Variants in PPP2R2C observed in about 807,000 individuals in gnomAD.
PPP2R2C encodes the protein protein phosphatase 2 regulatory subunit Bgamma, also known as protein phosphatase 2, regulatory subunit B, gamma.
A neutral mutation model predicts 45.3 loss-of-function variants in PPP2R2C; 10 were observed. That is an observed-to-expected ratio of 0.22 (90% CI 0.14 to 0.37). The LOEUF is 0.37. Among genes scored for constraint, PPP2R2C ranks in the 10% least tolerant of loss-of-function variants. The pLI is 1.00. For missense variants in PPP2R2C, 308 were observed against 619.7 expected (o/e 0.50, Z 5.34); for synonymous variants, 257 against 245.4 (o/e 1.05, Z -0.44).
In PPP2R2C at chr4:6,381,904, A is replaced by C. The variant is rs368530613; in HGVS notation, c.71-810T>G. ...GGGGAACACCCCTTCCATCACCAAC[A>C]TTCTCAGGTTCTACGAGTCACAGAG... On this transcript the variant is annotated intron_variant, in intron 1 of 8. Coordinates refer to ENST00000382599, the MANE Select transcript of PPP2R2C (RefSeq NM_020416.4). 61 of 1,593,500 alleles carry C rather than the reference A, an allele frequency of 3.8e-5. No individual in the cohort carries two copies. The Middle Eastern group carries it at 1.2e-3, about 31-fold the overall frequency.
At position 6,380,962 on chromosome 4, in the gene PPP2R2C, CCCTCCCA is replaced by C. The variant is rs1560499363; in HGVS notation, c.168+28_168+34del. 6 of 1,476,468 alleles carry C rather than the reference CCCTCCCA, an allele frequency of 4.1e-6. No individual in the cohort carries two copies. The South Asian group carries it at 8.4e-5, about 21-fold the overall frequency. 91.5% of individuals were successfully genotyped at this position (1,476,468 alleles called of 1,614,324 possible). ...CCTCCCACCTGACTCTGCTCCCCAC[CCCTCCCA>C]CCTCCCACCAGACCCAGGGCTTCGC... is the stretch of plus-strand genomic sequence containing the variant. On this transcript the variant is annotated intron_variant, in intron 2 of 8. Transcript: ENST00000382599.
intron 1 of PPP2R2C, among the ~76,000 whole-genome samples, chr4:6,561,226 T>C (rs890443947): frequency 6.6e-6 from 1 of 152,162 alleles, no homozygotes; most frequent in African/African-American, 2.4e-5. Context: ...GACACTCAAC[T>C]TCCCTGTCCC....
At chr4:6,511,176 C>T (rs1723439141) in intron 2 of PPP2R2C, among the ~76,000 whole-genome samples, 1 of 152,134 alleles carries the variant, frequency 6.6e-6, no homozygotes, top group African/African-American at 2.4e-5. Flanking sequence ...ATGAGAAAAA[C>T]ACGCAAAATG....
intron 2 of PPP2R2C, among the ~76,000 whole-genome samples, chr4:6,511,001 A>C (rs1249587256): frequency 4.6e-5 from 7 of 150,650 alleles, no homozygotes; most frequent in South Asian, 2.1e-4. Context: ...AAACAAACAA[A>C]AAAAAAAACA....
At position 6,347,751 on chromosome 4, in the gene PPP2R2C, AC is replaced by A. The variant is rs1712130585; in HGVS notation, c.790+94del. The A allele has an allele frequency of 2.1e-6, 3 of 1,428,444 alleles. No homozygotes were observed. In the Admixed American group the frequency reaches 6.2e-5, roughly 30 times the overall value. The allele number at this position is 1,428,444 out of a possible 1,614,324, so 88.5% of individuals were successfully genotyped here. Reference sequence around the variant, plus strand: ...CCAGTCCAGGACATGCTCATCCCACACCCACCACCCCTGCAGCAGCTGCACC... The same window carrying A: ...CCAGTCCAGGACATGCTCATCCCACACCACCACCCCTGCAGCAGCTGCACC... On this transcript the variant is annotated intron_variant, in intron 6 of 8. Transcript: ENST00000382599.
At chr4:6,383,940 A>T in intron 1 of PPP2R2C, 1 of 986,064 alleles carries the variant, frequency 1.0e-6, no homozygotes, top group Non-Finnish European at 1.2e-6. Context: ...AACAGAAAAG[A>T]TTGAGAGAGG....
At chr4:6,452,121 G>T (rs1720769160) in intron 1 of PPP2R2C, among the ~76,000 whole-genome samples, 1 of 152,088 alleles carries the variant, frequency 6.6e-6, no homozygotes, top group Admixed American at 6.5e-5. Context: ...CTGGGAGTGG[G>T]GTCCCAGCCC....
At chr4:6,562,476 G>GC (rs1725612389) in intron 1 of PPP2R2C, among the ~76,000 whole-genome samples, 2 of 151,884 alleles carry the variant, frequency 1.3e-5, no homozygotes, top group South Asian at 4.2e-4. Context: ...GTCGGGGGGG[G>GC]GGGTTGGATA....
At chr4:6,380,808 G>C (rs975600071) in intron 2 of PPP2R2C, among the ~76,000 whole-genome samples, 189 bp downstream of exon 2, 1 of 152,044 alleles carries the variant, frequency 6.6e-6, no homozygotes, top group Non-Finnish European at 1.5e-5. Context: ...TGGGAGATGT[G>C]ATCCAGGCAA....
intron 5 of PPP2R2C, among the ~76,000 whole-genome samples, chr4:6,359,039 T>C (rs62568103): frequency 0.85 from 129,325 of 152,224 alleles, 58,003 homozygotes; most frequent in East Asian, 1. Context: ...TAAAGACACA[T>C]GCACATGTAT....
rs181244724 is a variant in PPP2R2C, at chr4:6,368,999, C to G, written c.625+3524G>C. Among the ~76,000 whole-genome samples the G allele has an allele frequency of 1.9e-3, 287 of 152,256 alleles. 3 individuals are homozygous for G. The highest frequency in any genetic ancestry group is 5.1e-3 in the Admixed American group (78 of 15,300). ...GACGGGGAGACAGGATTCAATCCTT[C>G]TGATGAATGAAGGGGGATGTCTCTG... On this transcript the variant is annotated intron_variant, in intron 5 of 8. Transcript: ENST00000382599. This position sits in a 1 kb window ranked among gnomAD's most constrained non-coding sequence, Gnocchi z 4.2.
chr4:6,427,653 T>C (rs1719399925), intron 1 of PPP2R2C, among the ~76,000 whole-genome samples: 1 of 152,230 alleles, frequency 6.6e-6, no homozygotes, highest in African/African-American at 2.4e-5. Flanking sequence ...TGCTTGTCCC[T>C]AGGCCAGGAC....
chr4:6,390,301 G>A (rs1179642081), intron 1 of PPP2R2C, among the ~76,000 whole-genome samples: 2 of 152,086 alleles, frequency 1.3e-5, no homozygotes, highest in African/African-American at 2.4e-5. Context: ...CATACAGCGG[G>A]GTCTCCCTAG....
intron 1 of PPP2R2C, among the ~76,000 whole-genome samples, chr4:6,428,589 G>C (rs981810481): frequency 6.6e-6 from 1 of 152,238 alleles, no homozygotes; most frequent in African/African-American, 2.4e-5. Context: ...AAATCACATC[G>C]TATCAAGGCA....
chr4:6,373,886 C>T lies in PPP2R2C; in HGVS notation c.448-1186G>A, dbSNP rs149760728. ...GAGTGTGCATGCATGACTGAGTATACGTGTATGTGCATGCATGTGTGTGTG... is the reference window on the plus strand; with the variant it reads ...GAGTGTGCATGCATGACTGAGTATATGTGTATGTGCATGCATGTGTGTGTG... On this transcript the variant is annotated intron_variant, in intron 4 of 8. Coordinates refer to ENST00000382599, the MANE Select transcript of PPP2R2C (RefSeq NM_020416.4). 2.9e-3 allele frequency among the ~76,000 whole-genome samples: 424 copies of T among 146,134 alleles called. 18 individuals carry two copies. In the East Asian group the frequency reaches 0.069, roughly 24 times the overall value.
chr4:6,336,543 C>T lies in PPP2R2C; in HGVS notation c.791-2812G>A, dbSNP rs570159970. On this transcript the variant is annotated intron_variant, in intron 6 of 8. Coordinates refer to ENST00000382599, the MANE Select transcript of PPP2R2C (RefSeq NM_020416.4). Reference sequence around the variant, plus strand: ...AGGGGGTTGCAGCCAGGCCTGGCACCACCCTGGGTACAGGCAGGGCCGCAG... The same window carrying T: ...AGGGGGTTGCAGCCAGGCCTGGCACTACCCTGGGTACAGGCAGGGCCGCAG... Among the ~76,000 whole-genome samples, 557 of 151,998 alleles carry T rather than the reference C, an allele frequency of 3.7e-3. 2 individuals are homozygous for T. The highest frequency in any genetic ancestry group is 7.6e-3 in the East Asian group (39 of 5,110).
intron 1 of PPP2R2C, chr4:6,381,859 C>CT: frequency 1.2e-6 from 2 of 1,612,758 alleles, no homozygotes; most frequent in Non-Finnish European, 8.5e-7. Context: ...CCAGGCCCCA[C>CT]TTTTTGCATG....
rs1560474564 is a variant in PPP2R2C, at chr4:6,355,997, A to AGG, written c.626-7988_626-7987insCC. ...GACAGAGTGAGACTCTGCCTGGAAA[A>AGG]AAAAAAAAAAAAAAAAAAAGAGCAC... On this transcript the variant is annotated intron_variant, in intron 5 of 8. Transcript: ENST00000382599. Among the ~76,000 whole-genome samples, 7 of 122,932 alleles carry AGG rather than the reference A, an allele frequency of 5.7e-5. No individual in the cohort carries two copies. In the East Asian group the frequency reaches 8.1e-4, roughly 14 times the overall value. The allele number at this position is 122,932 out of a possible 152,430, so 80.6% of individuals were successfully genotyped here.
At chr4:6,529,270 C>T (rs1465910692) in intron 2 of PPP2R2C, among the ~76,000 whole-genome samples, 1 of 152,236 alleles carries the variant, frequency 6.6e-6, no homozygotes, top group Non-Finnish European at 1.5e-5. Context: ...CTGGGCAGGG[C>T]CAGGGATTAA....
Sources: gnomAD v4.1 joint callset for allele counts (sites outside exome capture counted in the v4.1 genomes callset) on GRCh38, gnomAD v4.1.1 for gene constraint, Gnocchi (gnomAD v3.1) non-coding constraint, MANE v1.5 for transcripts, NCBI Gene and HGNC (gene_info 2026-07-23, HGNC 2026-07-21) for gene names.